Variants in LDHAL6A observed in about 807,000 individuals in gnomAD.
LDHAL6A encodes the protein lactate dehydrogenase A like 6A.
In LDHAL6A, 19 loss-of-function variants were observed where a neutral mutation model predicts 28.2. The observed-to-expected ratio is 0.67, with a 90% CI of 0.47 to 0.99. LDHAL6A has a LOEUF of 0.99. Among genes scored for constraint, LDHAL6A ranks in the 50% least tolerant of loss-of-function variants. The pLI is 0.00. For missense variants in LDHAL6A, 372 were observed against 398.6 expected (o/e 0.93, Z 0.57); for synonymous variants, 144 against 134.4 (o/e 1.07, Z -0.49).
intron 1 of LDHAL6A, among the ~76,000 whole-genome samples, chr11:18,459,631 A>T (rs1294585846): frequency 6.6e-6 from 1 of 152,198 alleles, no homozygotes; most frequent in Non-Finnish European, 1.5e-5. Flanking sequence ...TTAGTGTGGT[A>T]CATTTGTCAC....
chr11:18,474,692 T>C (rs1849329767), intron 3 of LDHAL6A, among the ~76,000 whole-genome samples: 1 of 152,106 alleles, frequency 6.6e-6, no homozygotes, highest in Non-Finnish European at 1.5e-5. Context: ...TGGCCTCTGA[T>C]GCTGTTTTAA....
chr11:18,469,817 T>G (rs115839295), intron 3 of LDHAL6A, among the ~76,000 whole-genome samples: 2,670 of 152,272 alleles, frequency 0.018, 69 homozygotes, highest in African/African-American at 0.06. Flanking sequence ...ACAATTAACT[T>G]CATTACTCTA....
chr11:18,460,594 C>G (rs1356450654), intron 1 of LDHAL6A, among the ~76,000 whole-genome samples: 1 of 90,348 alleles, frequency 1.1e-5, no homozygotes, highest in Non-Finnish European at 2.3e-5. Flanking sequence ...AACTCCGTCT[C>G]AAAAAAAAAA....
Position 18,467,862 on chromosome 11 carries a change from A to T in LDHAL6A, c.418+2052A>T, listed in dbSNP as rs536420560. Among the ~76,000 whole-genome samples the T allele has an allele frequency of 5.4e-3, 353 of 65,606 alleles. 6 individuals carry two copies. The highest frequency in any genetic ancestry group is 0.012 in the South Asian group (17 of 1,450). 43.0% of individuals were successfully genotyped at this position (65,606 alleles called of 152,430 possible). A position where few individuals can be genotyped will look rare whatever the true frequency, so the allele number is the denominator to read the frequency against. On this transcript the variant is annotated intron_variant, in intron 3 of 6. Coordinates refer to ENST00000280706, the MANE Select transcript of LDHAL6A (RefSeq NM_144972.5). ...AACAGGGCAAGACTGTCTCAAAAAAAATATATATATATACACACATATATA... is the reference window on the plus strand; with the variant it reads ...AACAGGGCAAGACTGTCTCAAAAAATATATATATATATACACACATATATA...
intron 3 of LDHAL6A, among the ~76,000 whole-genome samples, chr11:18,471,682 TGGGAGGCTGAGGC>T (rs1849260477): frequency 6.7e-6 from 1 of 149,872 alleles, no homozygotes; most frequent in Non-Finnish European, 1.5e-5. Flanking sequence ...CCCAGAACTT[TGGGAGGCTGAGGC>T]GGGAGGATTG....
intron 3 of LDHAL6A, among the ~76,000 whole-genome samples, chr11:18,474,990 G>A (rs955939674): frequency 2.0e-5 from 3 of 152,030 alleles, no homozygotes; most frequent in African/African-American, 7.2e-5. Flanking sequence ...CCTGTAGTCC[G>A]AACACTTTGG....
At chr11:18,461,069 C>T (rs1848888550) in intron 1 of LDHAL6A, among the ~76,000 whole-genome samples, 1 of 151,936 alleles carries the variant, frequency 6.6e-6, no homozygotes, top group African/African-American at 2.4e-5. Flanking sequence ...AACTCCTGAC[C>T]CCAGGTGATC....
chr11:18,466,522 A>G (rs756435422), intron 3 of LDHAL6A, among the ~76,000 whole-genome samples: 13 of 151,820 alleles, frequency 8.6e-5, no homozygotes, highest in Non-Finnish European at 1.5e-4. Flanking sequence ...GGCATGGTGG[A>G]GCATTCCTGT....
Sources: gnomAD v4.1 joint callset for allele counts (sites outside exome capture counted in the v4.1 genomes callset) on GRCh38, gnomAD v4.1.1 for gene constraint, MANE v1.5 for transcripts, NCBI Gene and HGNC (gene_info 2026-07-23, HGNC 2026-07-21) for gene names.